Variants in SHQ1 observed in about 807,000 individuals in gnomAD.
The protein encoded by SHQ1 is protein SHQ1 homolog.
Under a neutral mutation model 53.8 loss-of-function variants are expected in SHQ1, and 49 were observed. The ratio of observed to expected loss-of-function variants is 0.91; its 90% CI spans 0.72 to 1.16. The LOEUF is 1.16. Among genes scored for constraint, SHQ1 ranks in the 50% most tolerant of loss-of-function variants. SHQ1 has a pLI of 0.00. For synonymous variants in SHQ1, 243 were observed against 251.0 expected (o/e 0.97, Z 0.30); for missense variants, 738 against 683.1 (o/e 1.08, Z -0.90).
At chr3:72,783,606 G>A (rs1039733251) in intron 10 of SHQ1, among the ~76,000 whole-genome samples, 3 of 152,128 alleles carry the variant, frequency 2.0e-5, no homozygotes, top group South Asian at 4.1e-4. Context: ...GAGCCAGCAT[G>A]CCCAGCCCTA....
chr3:72,836,118 A>G (rs80068220), intron 4 of SHQ1, among the ~76,000 whole-genome samples: 4,531 of 152,304 alleles, frequency 0.03, 194 homozygotes, highest in African/African-American at 0.089. Flanking sequence ...TCTGGGTGCC[A>G]AAGTGGAAAT....
intron 4 of SHQ1, among the ~76,000 whole-genome samples, chr3:72,836,300 T>C (rs950040436): frequency 1.2e-4 from 19 of 152,130 alleles, no homozygotes; most frequent in Admixed American, 7.2e-4. Context: ...TCATCCTGGC[T>C]AACACGGTGA....
chr3:72,812,821 T>C, intron 8 of SHQ1, 27 bp from the exon 9 acceptor site: 1 of 1,612,812 alleles, frequency 6.2e-7, no homozygotes, highest in Non-Finnish European at 8.5e-7. Flanking sequence ...TAATAAGCAG[T>C]CATTTCCACA....
intron 10 of SHQ1, among the ~76,000 whole-genome samples, chr3:72,783,930 G>A (rs1706146108): frequency 6.6e-6 from 1 of 151,826 alleles, no homozygotes; most frequent in South Asian, 2.1e-4. Context: ...TCTCATAGAA[G>A]AGAAAAAGGA....
intron 10 of SHQ1, among the ~76,000 whole-genome samples, chr3:72,765,557 A>ATATATATATATATATATATATATT (rs1491527508): frequency 3.5e-5 from 2 of 57,188 alleles, no homozygotes; most frequent in African/African-American, 1.6e-4. Flanking sequence ...ATATATATAT[A>ATATATATATATATATATATATATT]TTTTTTTTTT....
chr3:72,726,894 G>A, the SHQ1 span, among the ~76,000 whole-genome samples: 1 of 152,112 alleles, frequency 6.6e-6, no homozygotes, highest in Non-Finnish European at 1.5e-5. Flanking sequence ...CGCCTCCTTC[G>A]GAGCTATTTG....
chr3:72,776,279 G>A (rs1304193020), intron 10 of SHQ1, among the ~76,000 whole-genome samples: 1 of 152,200 alleles, frequency 6.6e-6, no homozygotes, highest in East Asian at 1.9e-4. Context: ...GGTCCCATAA[G>A]AGTATAATAC....
chr3:72,727,149 C>T, the SHQ1 span, among the ~76,000 whole-genome samples: 4 of 152,122 alleles, frequency 2.6e-5, no homozygotes, highest in Admixed American at 1.3e-4. Context: ...GCCATGGAGG[C>T]GGGGCTGTGA....
At chr3:72,813,238 G>A (rs546171431) in intron 8 of SHQ1, among the ~76,000 whole-genome samples, 6 of 152,076 alleles carry the variant, frequency 3.9e-5, no homozygotes, top group South Asian at 4.1e-4. Context: ...GACTCCAGGC[G>A]GGTGGATCAC....
intron 9 of SHQ1, among the ~76,000 whole-genome samples, chr3:72,807,761 T>C (rs1706996117): frequency 6.6e-6 from 1 of 152,238 alleles, no homozygotes; most frequent in Non-Finnish European, 1.5e-5. Context: ...GCCCTGTGCT[T>C]GGTACCATAG....
chr3:72,811,399 G>A (rs1203452280), intron 9 of SHQ1, among the ~76,000 whole-genome samples: 1 of 152,164 alleles, frequency 6.6e-6, no homozygotes, highest in Non-Finnish European at 1.5e-5. Context: ...ATTTTCCAAG[G>A]TACTTTTAGC....
At chr3:72,810,440 T>C (rs1173210307) in intron 9 of SHQ1, among the ~76,000 whole-genome samples, 2 of 152,206 alleles carry the variant, frequency 1.3e-5, no homozygotes, top group African/African-American at 2.4e-5. Context: ...AGTCAATCAG[T>C]TATAATGAAA....
intron 5 of SHQ1, among the ~76,000 whole-genome samples, chr3:72,829,301 G>T (rs1707759796): frequency 6.6e-6 from 1 of 152,166 alleles, no homozygotes. Context: ...CTTCTTCATA[G>T]CACTTGATTA....
chr3:72,747,542 G>A (rs1225167568), downstream of SHQ1, among the ~76,000 whole-genome samples: 3 of 152,180 alleles, frequency 2.0e-5, no homozygotes, highest in Non-Finnish European at 2.9e-5. Flanking sequence ...GCAGAACCCA[G>A]GGGGTTATGG....
chr3:72,810,153 G>T (rs1466380272), intron 9 of SHQ1, among the ~76,000 whole-genome samples: 1 of 152,106 alleles, frequency 6.6e-6, no homozygotes, highest in Non-Finnish European at 1.5e-5. Flanking sequence ...AAAAAAAGGA[G>T]TCATGTGCCC....
At chr3:72,739,750 G>C in the SHQ1 span, among the ~76,000 whole-genome samples, 1 of 152,228 alleles carries the variant, frequency 6.6e-6, no homozygotes, top group African/African-American at 2.4e-5. Flanking sequence ...CAATGTCTGT[G>C]AAGGAAGAAT....
At chr3:72,791,999 C>T (rs1427408873) in intron 10 of SHQ1, among the ~76,000 whole-genome samples, 18 of 152,180 alleles carry the variant, frequency 1.2e-4, no homozygotes, top group African/African-American at 2.4e-5. Context: ...CTTTGATTGA[C>T]GCAATGGTAA....
chr3:72,757,381 CTT>C (rs779724149), intron 10 of SHQ1, among the ~76,000 whole-genome samples: 172 of 134,846 alleles, frequency 1.3e-3, no homozygotes, highest in African/African-American at 4.2e-3. Context: ...CTTCTCTTTC[CTT>C]TTTTTTTTTT....
At chr3:72,741,830 A>T in the SHQ1 span, among the ~76,000 whole-genome samples, 1 of 152,218 alleles carries the variant, frequency 6.6e-6, no homozygotes, top group African/African-American at 2.4e-5. Context: ...ACAATAAAAA[A>T]TGCATATTTT....
Sources: gnomAD v4.1 joint callset for allele counts (sites outside exome capture counted in the v4.1 genomes callset) on GRCh38, gnomAD v4.1.1 for gene constraint, MANE v1.5 for transcripts, NCBI Gene and HGNC (gene_info 2026-07-23, HGNC 2026-07-21) for gene names.